Variants in FSTL5 observed in about 807,000 individuals in gnomAD.
FSTL5 encodes follistatin-related protein 5.
In FSTL5, 62 loss-of-function variants were observed where a neutral mutation model predicts 89.1. That is an observed-to-expected ratio of 0.70 (90% CI 0.57 to 0.86). The LOEUF (loss-of-function observed/expected upper bound fraction) is 0.86. FSTL5 is among the 40% of genes least tolerant of loss of function. The pLI, the probability that FSTL5 is intolerant of heterozygous loss-of-function variation, is 0.00. For synonymous variants in FSTL5, 383 were observed against 346.2 expected (o/e 1.11, Z -1.18); for missense variants, 1,057 against 1,001.6 (o/e 1.06, Z -0.75).
At chr4:161,655,749 A>G (rs1736493374) in intron 7 of FSTL5, among the ~76,000 whole-genome samples, 1 of 152,164 alleles carries the variant, frequency 6.6e-6, no homozygotes, top group Admixed American at 6.6e-5. Context: ...ATATATTTTT[A>G]GATGCACAGA....
intron 2 of FSTL5, among the ~76,000 whole-genome samples, chr4:162,086,797 A>T (rs1730340248): frequency 6.6e-6 from 1 of 152,048 alleles, no homozygotes; most frequent in African/African-American, 2.4e-5. Flanking sequence ...GAAAATAATA[A>T]CAAAATTTTA....
At chr4:161,480,526 G>A (rs1379747070) in intron 13 of FSTL5, among the ~76,000 whole-genome samples, 1 of 152,182 alleles carries the variant, frequency 6.6e-6, no homozygotes, top group Non-Finnish European at 1.5e-5. Flanking sequence ...ATTAGAGATT[G>A]CTTTCTCTAT....
chr4:161,532,314 C>T (rs28739551), intron 10 of FSTL5, among the ~76,000 whole-genome samples: 4,090 of 152,034 alleles, frequency 0.027, 173 homozygotes, highest in African/African-American at 0.092. Context: ...AGAAATCTCT[C>T]GATGTATTAG....
intron 3 of FSTL5, among the ~76,000 whole-genome samples, chr4:161,969,191 G>C (rs986278681): frequency 1.3e-5 from 2 of 152,086 alleles, no homozygotes; most frequent in African/African-American, 4.8e-5. Context: ...ACAGTTATTA[G>C]TTGATTTATC....
intron 8 of FSTL5, among the ~76,000 whole-genome samples, chr4:161,546,136 A>T (rs1731996762): frequency 6.6e-6 from 1 of 151,534 alleles, no homozygotes; most frequent in African/African-American, 2.4e-5. Context: ...GATTAGATAC[A>T]GCTGAAGAAG....
chr4:161,857,107 T>C (rs1268471398), intron 4 of FSTL5, among the ~76,000 whole-genome samples: 2 of 152,152 alleles, frequency 1.3e-5, no homozygotes, highest in East Asian at 3.9e-4. Flanking sequence ...GCAGGGGCAT[T>C]TGACTTGCCT....
chr4:161,656,293 T>C (rs1202867576), intron 7 of FSTL5, 35 bp downstream of exon 7: 4 of 1,179,528 alleles, frequency 3.4e-6, no homozygotes, highest in African/African-American at 1.6e-5. Context: ...ACATGAAATA[T>C]ATATATTATA....
chr4:161,644,526 CAAA>C (rs34645648), intron 7 of FSTL5, among the ~76,000 whole-genome samples: 22,586 of 133,816 alleles, frequency 0.17, 2,134 homozygotes, highest in Non-Finnish European at 0.24. Context: ...AACTCTGTCT[CAAA>C]AAAAAAAAAA....
Position 162,004,902 on chromosome 4 carries a change from A to G in FSTL5, c.160+28723T>C, listed in dbSNP as rs190739328. Among the ~76,000 whole-genome samples the G allele has an allele frequency of 1.4e-4, 21 of 152,176 alleles. No homozygotes were observed. In the South Asian group the frequency reaches 3.1e-3, roughly 23 times the overall value. ...TACCAACCTCCCAACTGTCCCCATG[A>G]TTTTGTTCCTGCCCCATCCAATTCA... is the stretch of plus-strand genomic sequence containing the variant. On this transcript the variant is annotated intron_variant, in intron 3 of 15. Coordinates refer to ENST00000306100, the MANE Select transcript of FSTL5 (RefSeq NM_020116.5).
At chr4:161,781,343 T>G (rs1741659294) in intron 4 of FSTL5, among the ~76,000 whole-genome samples, 1 of 151,934 alleles carries the variant, frequency 6.6e-6, no homozygotes, top group South Asian at 2.1e-4. Context: ...AAAAAAAAAT[T>G]TAAATCTAAA....
At chr4:162,075,482 C>T (rs1299979945) in intron 2 of FSTL5, among the ~76,000 whole-genome samples, 2 of 151,796 alleles carry the variant, frequency 1.3e-5, no homozygotes, top group African/African-American at 4.8e-5. Flanking sequence ...GATGTAGAGA[C>T]AGATGCTACA....
chr4:161,835,753 G>A (rs1177767585), intron 4 of FSTL5, among the ~76,000 whole-genome samples: 2 of 152,182 alleles, frequency 1.3e-5, no homozygotes. Flanking sequence ...ACCACAATGG[G>A]ATACCATCCC....
At position 161,881,383 on chromosome 4, in the gene FSTL5, T is replaced by C. The variant is rs1461637329; in HGVS notation, c.409+39021A>G. ...CAGGACTTGAGGATGCAAGGGTATT[T>C]GGGAAATATTCCTTAGAGTTTTAAG... is the stretch of plus-strand genomic sequence containing the variant. On this transcript the variant is annotated intron_variant, in intron 4 of 15. Transcript: ENST00000306100. Among the ~76,000 whole-genome samples, 3 of 151,880 alleles carry C rather than the reference T, an allele frequency of 2.0e-5. No homozygotes were observed. In the East Asian group the frequency reaches 5.8e-4, roughly 29 times the overall value.
At chr4:161,551,137 T>C (rs1732197439) in intron 8 of FSTL5, among the ~76,000 whole-genome samples, 1 of 151,770 alleles carries the variant, frequency 6.6e-6, no homozygotes, top group East Asian at 2.0e-4. Context: ...TTTCTAGTTC[T>C]AGATCCCTGA....
chr4:161,856,922 C>T (rs878973503), intron 4 of FSTL5, among the ~76,000 whole-genome samples: 1 of 151,886 alleles, frequency 6.6e-6, no homozygotes, highest in Admixed American at 6.6e-5. Context: ...GGTTAGCATG[C>T]TGAAGGGAAG....
intron 8 of FSTL5, among the ~76,000 whole-genome samples, chr4:161,577,996 T>C (rs1331090667): frequency 3.3e-5 from 5 of 151,906 alleles, no homozygotes; most frequent in East Asian, 3.9e-4. Flanking sequence ...TTTTTTAAAG[T>C]CTCAAAAAGA....
intron 4 of FSTL5, among the ~76,000 whole-genome samples, chr4:161,840,768 A>T (rs1207701290): frequency 6.6e-6 from 1 of 152,270 alleles, no homozygotes; most frequent in African/African-American, 2.4e-5. Flanking sequence ...TTATCCCCCA[A>T]GTTGGGGCCT....
Position 161,774,932 on chromosome 4 carries a change from G to A in FSTL5, c.606+946C>T, listed in dbSNP as rs147401077. On this transcript the variant is annotated intron_variant, in intron 5 of 15. Transcript: ENST00000306100. ...GTAACTACAAAATAAATGTGAGGCT[G>A]CATTAGAAAAGACAATAAAAATGAT... is the stretch of plus-strand genomic sequence containing the variant. Among the ~76,000 whole-genome samples the A allele has an allele frequency of 1.1e-3, 164 of 152,178 alleles. 1 individual carries two copies. The highest frequency in any genetic ancestry group is 4.6e-3 in the Admixed American group (70 of 15,272).
At chr4:161,741,752 G>A (rs147957041) in intron 6 of FSTL5, among the ~76,000 whole-genome samples, 1,689 of 149,894 alleles carry the variant, frequency 0.011, 41 homozygotes, top group South Asian at 0.07. Flanking sequence ...CAGTGGCACG[G>A]TCTTGGCTCA....
Sources: gnomAD v4.1 joint callset for allele counts (sites outside exome capture counted in the v4.1 genomes callset) on GRCh38, gnomAD v4.1.1 for gene constraint, MANE v1.5 for transcripts, NCBI Gene and HGNC (gene_info 2026-07-23, HGNC 2026-07-21) for gene names.